DOCK3: variants seen among roughly 807,000 people sequenced by gnomAD.
DOCK3 encodes dedicator of cytokinesis 3.
Under a neutral mutation model 265.6 loss-of-function variants are expected in DOCK3, and 60 were observed. The observed-to-expected ratio is 0.23, with a 90% CI of 0.18 to 0.28. The LOEUF is 0.28. Among genes scored for constraint, DOCK3 ranks in the 10% least tolerant of loss-of-function variants. The pLI, the probability that DOCK3 is intolerant of heterozygous loss-of-function variation, is 1.00. For synonymous variants in DOCK3, 881 were observed against 938.0 expected (o/e 0.94, Z 1.11); for missense variants, 1,981 against 2,594.3 (o/e 0.76, Z 5.14).
intron 27 of DOCK3, among the ~76,000 whole-genome samples, chr3:51,305,580 G>A (rs543363315): frequency 6.6e-6 from 1 of 151,870 alleles, no homozygotes; most frequent in East Asian, 1.9e-4. Context: ...GTAATTGGTA[G>A]GTTTTACACC....
At chr3:50,958,955 T>C (rs1189032330) in intron 5 of DOCK3, among the ~76,000 whole-genome samples, 1 of 152,202 alleles carries the variant, frequency 6.6e-6, no homozygotes, top group Non-Finnish European at 1.5e-5. Context: ...ATTTTAAGTA[T>C]AGATTTACAT....
chr3:51,279,256 AAAC>A (rs2108979191), intron 26 of DOCK3, among the ~76,000 whole-genome samples: 1 of 152,280 alleles, frequency 6.6e-6, no homozygotes, highest in South Asian at 2.1e-4. Flanking sequence ...CCATCCCAAA[AAAC>A]AACAATAATA....
chr3:50,778,457 T>C (rs1020100796), intron 1 of DOCK3, among the ~76,000 whole-genome samples: 20 of 152,276 alleles, frequency 1.3e-4, no homozygotes, highest in Non-Finnish European at 2.9e-4. Context: ...CCACCACTCA[T>C]GGATAGCAAT....
At chr3:51,003,582 T>G (rs2078560057) in intron 5 of DOCK3, among the ~76,000 whole-genome samples, 2 of 152,232 alleles carry the variant, frequency 1.3e-5, no homozygotes, top group Non-Finnish European at 1.5e-5. Flanking sequence ...GTGGGAAATC[T>G]TAACATTTTC....
intron 1 of DOCK3, among the ~76,000 whole-genome samples, chr3:50,736,560 C>A (rs1449297314): frequency 1.3e-5 from 2 of 152,130 alleles, no homozygotes; most frequent in East Asian, 3.9e-4. Context: ...TCTCCAGCAT[C>A]TGTTGTTTCC....
intron 9 of DOCK3, among the ~76,000 whole-genome samples, chr3:51,108,040 T>C (rs947599334): frequency 2.7e-5 from 4 of 145,898 alleles, no homozygotes; most frequent in Non-Finnish European, 5.9e-5. Context: ...TATTCAACAT[T>C]CTTTTTTTTT....
intron 38 of DOCK3, among the ~76,000 whole-genome samples, chr3:51,346,358 C>G (rs1202267750): frequency 3.3e-5 from 5 of 149,704 alleles, no homozygotes; most frequent in Non-Finnish European, 7.4e-5. Flanking sequence ...TCTCATTGTT[C>G]AGTTCCCACC....
At chr3:50,866,338 A>G (rs1249891173) in intron 3 of DOCK3, among the ~76,000 whole-genome samples, 2 of 152,150 alleles carry the variant, frequency 1.3e-5, no homozygotes, top group African/African-American at 4.8e-5. Context: ...TACGAAAATT[A>G]GCTGGGCGTG....
intron 2 of DOCK3, chr3:50,786,874 C>A: frequency 1.4e-6 from 1 of 740,182 alleles, no homozygotes. Flanking sequence ...TGAAGGACTT[C>A]TCTCCAGAAT....
At chr3:50,981,300 T>C (rs761174745) in intron 5 of DOCK3, among the ~76,000 whole-genome samples, 6 of 152,252 alleles carry the variant, frequency 3.9e-5, no homozygotes, top group Non-Finnish European at 8.8e-5. Flanking sequence ...TTGTGACAGA[T>C]CACAGTATAT....
chr3:50,934,723 G>T (rs528313139), intron 5 of DOCK3, among the ~76,000 whole-genome samples: 1 of 151,650 alleles, frequency 6.6e-6, no homozygotes, highest in South Asian at 2.1e-4. Flanking sequence ...AGGCTAAAGA[G>T]TGAGACCTTG....
At chr3:50,933,917 G>A in intron 4 of DOCK3, 64 bp from the exon 5 acceptor site, 1 of 1,075,698 alleles carries the variant, frequency 9.3e-7, no homozygotes. Context: ...GAAAAAGACA[G>A]GAGACAGTTT....
intron 2 of DOCK3, chr3:50,787,084 C>T (rs1018425381): frequency 1.4e-6 from 1 of 727,328 alleles, no homozygotes; most frequent in Non-Finnish European, 2.6e-6. Flanking sequence ...CATGAAGGAT[C>T]CAGTTTCTTG....
At chr3:50,966,174 TA>T (rs1285506989) in intron 5 of DOCK3, among the ~76,000 whole-genome samples, 1 of 152,204 alleles carries the variant, frequency 6.6e-6, no homozygotes, top group African/African-American at 2.4e-5. Context: ...TGTGATTGAA[TA>T]AAATGTTATT....
At chr3:51,136,442 G>T (rs574923551) in intron 9 of DOCK3, among the ~76,000 whole-genome samples, 3 of 151,850 alleles carry the variant, frequency 2.0e-5, no homozygotes, top group Non-Finnish European at 4.4e-5. Context: ...GTTTCACCTT[G>T]TTAGCTAGTA....
intron 2 of DOCK3, among the ~76,000 whole-genome samples, chr3:50,815,124 C>CATTTTATTTTTATTTT (rs2044003834): frequency 6.6e-6 from 1 of 152,132 alleles, no homozygotes; most frequent in Admixed American, 6.6e-5. Flanking sequence ...CGCCCAGCCT[C>CATTTTATTTTTATTTT]ATTTTATTTT....
intron 4 of DOCK3, among the ~76,000 whole-genome samples, chr3:50,895,204 CTTTTTTT>C (rs34645584): frequency 1.6e-5 from 2 of 121,978 alleles, no homozygotes; most frequent in Non-Finnish European, 3.5e-5. Flanking sequence ...TTTATCCCCG[CTTTTTTT>C]TTTTTTTTTT....
intron 1 of DOCK3, among the ~76,000 whole-genome samples, chr3:50,765,337 G>A (rs1197433853): frequency 2.6e-5 from 4 of 152,126 alleles, no homozygotes; most frequent in Admixed American, 6.5e-5. Flanking sequence ...GCCCATCTCG[G>A]CCTCTCAAAG....
chr3:51,313,160 A>G (rs1189519465), intron 31 of DOCK3, among the ~76,000 whole-genome samples: 2 of 152,112 alleles, frequency 1.3e-5, no homozygotes, highest in African/African-American at 4.8e-5. Flanking sequence ...TCAAAAGAAA[A>G]AAAAGAAAAG....
Sources: gnomAD v4.1 joint callset for allele counts (sites outside exome capture counted in the v4.1 genomes callset) on GRCh38, gnomAD v4.1.1 for gene constraint, MANE v1.5 for transcripts, NCBI Gene and HGNC (gene_info 2026-07-23, HGNC 2026-07-21) for gene names.